The following WDFY4 variants were observed in gnomAD, a reference collection of about 807,000 sequenced individuals.
WDFY4 encodes the protein WDFY family member 4, also known as WD repeat- and FYVE domain-containing protein 4.
Under a neutral mutation model 351.9 loss-of-function variants are expected in WDFY4, and 169 were observed. That is an observed-to-expected ratio of 0.48 (90% CI 0.42 to 0.55). WDFY4 has a LOEUF of 0.55. WDFY4 is among the 20% of genes least tolerant of loss of function. WDFY4 has a pLI of 0.00. For synonymous variants in WDFY4, 1,622 were observed against 1,574.6 expected (o/e 1.03, Z -0.71); for missense variants, 3,803 against 3,935.6 (o/e 0.97, Z 0.90).
At chr10:48,964,149 A>C in intron 54 of WDFY4, 95 bp downstream of exon 54, 2 of 1,365,716 alleles carry the variant, frequency 1.5e-6, no homozygotes, top group South Asian at 2.6e-5. Context: ...GAGATGGCTG[A>C]AGAGGTGAAA....
At chr10:48,894,726 T>A (rs1416288099) in intron 44 of WDFY4, among the ~76,000 whole-genome samples, 1 of 152,212 alleles carries the variant, frequency 6.6e-6, no homozygotes, top group East Asian at 1.9e-4. Flanking sequence ...AGCTAAGGTA[T>A]GGAGAATATT....
chr10:48,787,938 T>TCTTCTTCTC (rs1565199021), intron 20 of WDFY4, among the ~76,000 whole-genome samples: 9 of 100,526 alleles, frequency 9.0e-5, no homozygotes, highest in Non-Finnish European at 1.8e-4. Context: ...TTCTTCTTCT[T>TCTTCTTCTC]CTTCTTCTTC....
At chr10:48,943,946 T>G (rs1358793571) in intron 49 of WDFY4, among the ~76,000 whole-genome samples, 2 of 152,218 alleles carry the variant, frequency 1.3e-5, no homozygotes, top group Non-Finnish European at 2.9e-5. Flanking sequence ...CCTGGGTTCC[T>G]GTCCTGGATC....
intron 51 of WDFY4, among the ~76,000 whole-genome samples, chr10:48,955,390 C>T (rs896686457): frequency 3.3e-5 from 5 of 152,292 alleles, no homozygotes; most frequent in Admixed American, 3.3e-4. Flanking sequence ...AATGGACCAG[C>T]CAGACCATGA....
At chr10:48,711,625 G>C (rs537904724) in intron 2 of WDFY4, among the ~76,000 whole-genome samples, 3 of 152,260 alleles carry the variant, frequency 2.0e-5, no homozygotes, top group African/African-American at 7.2e-5. Context: ...GTTTATTTGA[G>C]AGTTCATTTG....
chr10:48,922,999 G>A (rs766373417), intron 47 of WDFY4, among the ~76,000 whole-genome samples: 20 of 152,176 alleles, frequency 1.3e-4, no homozygotes, highest in Non-Finnish European at 2.5e-4. Flanking sequence ...TTGAAGCTTA[G>A]AGAACTGTGC....
At chr10:48,952,876 C>G (rs902280443) in intron 51 of WDFY4, among the ~76,000 whole-genome samples, 10 of 152,202 alleles carry the variant, frequency 6.6e-5, no homozygotes, top group Non-Finnish European at 2.9e-5. Flanking sequence ...TATTCAGTAG[C>G]GTGTCAGGGC....
At chr10:48,797,688 T>C (rs1168307775) in intron 24 of WDFY4, among the ~76,000 whole-genome samples, 1 of 152,226 alleles carries the variant, frequency 6.6e-6, no homozygotes, top group African/African-American at 2.4e-5. Flanking sequence ...TGCCAAATTT[T>C]TAGATTCTTT....
At chr10:48,778,911 G>T in intron 18 of WDFY4, 79 bp downstream of exon 18, 8 of 1,467,174 alleles carry the variant, frequency 5.5e-6, no homozygotes, top group Non-Finnish European at 6.4e-6. Flanking sequence ...CAACACAGGT[G>T]TGGTTAGAAA....
intron 41 of WDFY4, 43 bp from the exon 42 acceptor site, chr10:48,875,046 A>G: frequency 7.8e-7 from 1 of 1,275,874 alleles, no homozygotes; most frequent in East Asian, 2.8e-5. Flanking sequence ...GCATAGATGT[A>G]GCATCCAGGA....
intron 27 of WDFY4, among the ~76,000 whole-genome samples, chr10:48,807,091 C>T (rs968370457): frequency 6.6e-6 from 1 of 152,144 alleles, no homozygotes; most frequent in African/African-American, 2.4e-5. Flanking sequence ...GAAGATGGGA[C>T]CAAAATCTGA....
chr10:48,966,727 G>A, intron 55 of WDFY4, 54 bp downstream of exon 55: 1 of 1,524,866 alleles, frequency 6.6e-7, no homozygotes, highest in Non-Finnish European at 8.9e-7. Flanking sequence ...TGTCCCTTCA[G>A]TGGCTGGGTT....
rs142786515 is a variant in WDFY4, at chr10:48,865,191, T to C, written c.6664-2074T>C. Among the ~76,000 whole-genome samples, 1,440 of 152,372 alleles carry C rather than the reference T, an allele frequency of 9.5e-3. 20 individuals are homozygous for C. The highest frequency in any genetic ancestry group is 0.033 in the African/African-American group (1,354 of 41,590). On this transcript the variant is annotated intron_variant, in intron 39 of 61. Transcript: ENST00000325239. ...CACCAAGTATAATGTTGTATAATGT[T>C]GGCTGTGGACTTTTTGTAGTTACCC...
chr10:48,725,281 G>C (rs1363529637), intron 5 of WDFY4, among the ~76,000 whole-genome samples: 1 of 152,174 alleles, frequency 6.6e-6, no homozygotes, highest in African/African-American at 2.4e-5. Context: ...CAAGAGCCCA[G>C]GGGGGAGCTG....
intron 1 of WDFY4, among the ~76,000 whole-genome samples, chr10:48,696,413 A>G (rs1054946824): frequency 2.0e-5 from 3 of 152,156 alleles, no homozygotes; most frequent in Non-Finnish European, 4.4e-5. Flanking sequence ...CCCCCAACAC[A>G]GGCTTGGTCT....
chr10:48,873,739 G>T (rs745524018), intron 41 of WDFY4, 42 bp downstream of exon 41: 7 of 1,540,944 alleles, frequency 4.5e-6, no homozygotes, highest in African/African-American at 1.4e-5. Flanking sequence ...TTCCAGGTAG[G>T]GCCTGATAGG....
intron 57 of WDFY4, 123 bp from the exon 58 acceptor site, chr10:48,974,739 T>G: frequency 9.8e-7 from 1 of 1,021,196 alleles, no homozygotes; most frequent in Non-Finnish European, 1.4e-6. Flanking sequence ...GACTTGGGAA[T>G]CACTGACTCA....
rs990000135 is a variant in WDFY4, at chr10:48,826,963, A to G, written c.6221+54A>G. The G allele has an allele frequency of 9.7e-6, 14 of 1,443,268 alleles. No homozygotes were observed. In the African/African-American group the frequency reaches 2.0e-4, roughly 20 times the overall value. The allele number at this position is 1,443,268 out of a possible 1,614,324, so 89.4% of individuals were successfully genotyped here. On this transcript the variant is annotated intron_variant, in intron 36 of 61. Transcript: ENST00000325239. The stretch of plus-strand genomic sequence containing the variant: ...TGCTGGTGGTCCATGCAGAAAGGAG[A>G]GATTTAGAGGAAAGCTTGATTGAGG...
At chr10:48,690,300 A>G (rs2063159006) in intron 1 of WDFY4, among the ~76,000 whole-genome samples, 1 of 152,236 alleles carries the variant, frequency 6.6e-6, no homozygotes, top group Non-Finnish European at 1.5e-5. Context: ...GCAATGTAGA[A>G]CATGTTTATG....
Sources: allele counts gnomAD v4.1 joint callset (sites outside exome capture counted in the v4.1 genomes callset), GRCh38; gene constraint gnomAD v4.1.1; transcripts MANE v1.5; gene names NCBI Gene and HGNC (gene_info 2026-07-23, HGNC 2026-07-21).